The following KIAA1217 variants were observed in gnomAD, a reference collection of about 807,000 sequenced individuals.
The protein encoded by KIAA1217 is sickle tail protein homolog.
A neutral mutation model predicts 163.9 loss-of-function variants in KIAA1217; 88 were observed. That is an observed-to-expected ratio of 0.54 (90% CI 0.45 to 0.64). The LOEUF (loss-of-function observed/expected upper bound fraction) is 0.64, where lower values mean the gene tolerates loss of function less well. Ranked by LOEUF, KIAA1217 falls within the 30% of genes least tolerant of loss-of-function variation. The pLI is 0.00. For missense variants in KIAA1217, 2,372 were observed against 2,475.0 expected, an observed-to-expected ratio of 0.96 and a Z score of 0.88; for synonymous variants, 903 against 923.1, an observed-to-expected ratio of 0.98 and a Z score of 0.39.
At chr10:24,250,293 G>A (rs894609995) in intron 2 of KIAA1217, among the ~76,000 whole-genome samples, 65 of 152,176 alleles carry the variant, frequency 4.3e-4, no homozygotes, top group Middle Eastern at 3.4e-3. Context: ...AGAATACTTG[G>A]TGGTTCATAG....
At chr10:23,727,440 A>G (rs1403308959) in intron 1 of KIAA1217, among the ~76,000 whole-genome samples, 1 of 151,738 alleles carries the variant, frequency 6.6e-6, no homozygotes, top group Non-Finnish European at 1.5e-5. Flanking sequence ...CACACCTATA[A>G]TCCCAGCTAC....
chr10:24,400,700 A>T (rs1564615875), intron 3 of KIAA1217, among the ~76,000 whole-genome samples: 1 of 152,138 alleles, frequency 6.6e-6, no homozygotes, highest in Non-Finnish European at 1.5e-5. Context: ...CAGAGTATTC[A>T]GCTGAAGAGA....
chr10:24,471,264 C>T (rs1034724882), intron 5 of KIAA1217, among the ~76,000 whole-genome samples: 1 of 152,096 alleles, frequency 6.6e-6, no homozygotes, highest in Non-Finnish European at 1.5e-5. Flanking sequence ...CCCTCATCCA[C>T]CCTCCAACCA....
upstream of KIAA1217, among the ~76,000 whole-genome samples, chr10:24,204,730 A>G (rs868668668): frequency 1.3e-4 from 20 of 152,316 alleles, no homozygotes; most frequent in Middle Eastern, 3.4e-3. Flanking sequence ...CACCCTAACC[A>G]CCTGACACAT....
In KIAA1217 at chr10:24,473,454, G is replaced by C. The variant is rs1357921393; in HGVS notation, c.1073G>C (p.Arg358Thr). 1.2e-6 allele frequency: 2 copies of C among 1,614,012 alleles called. No homozygotes were observed. The highest frequency in any genetic ancestry group is 1.7e-6 in the Non-Finnish European group (2 of 1,180,038). Residue 358 changes from arginine (R) to threonine (T), a missense_variant, in exon 6 of 21, where the codon AGA (arginine) becomes ACA (threonine). Coordinates refer to ENST00000376454, the MANE Select transcript of KIAA1217 (RefSeq NM_019590.5). ...AGAATCTCCAGCCTGCCAGTCTCCA[G>C]ACCCATCTCTCCAAGCCCAAGCGCC... ...RDRISSLPVSRPISPSPSAIL... is the reference protein window; with the variant it reads ...RDRISSLPVSTPISPSPSAIL...
chr10:23,883,269 A>G (rs1159373265), intron 1 of KIAA1217, among the ~76,000 whole-genome samples: 1 of 151,932 alleles, frequency 6.6e-6, no homozygotes, highest in Non-Finnish European at 1.5e-5. Context: ...TGGGAAAATA[A>G]CATAAAGGAA....
Position 24,524,768 on chromosome 10 carries a change from G to A in KIAA1217, c.2898+4G>A. ...GAACAGGGCAGTGTCTATCGAGGTAGAGTCCTATTTCTGTTTCTCATAACC... is the reference window on the plus strand; with the variant it reads ...GAACAGGGCAGTGTCTATCGAGGTAAAGTCCTATTTCTGTTTCTCATAACC... On this transcript the variant is annotated splice_donor_region_variant and intron_variant, in intron 13 of 20. Transcript: ENST00000376454. The A allele has an allele frequency of 6.3e-7, 1 of 1,578,816 alleles. No homozygotes were observed. Among genetic ancestry groups the A allele is most frequent in the Non-Finnish European group, 8.6e-7 (1 of 1,158,140 alleles).
chr10:23,890,890 G>A lies in KIAA1217; in HGVS notation c.-320-116335G>A, dbSNP rs138929659. 2.0e-5 allele frequency among the ~76,000 whole-genome samples: 3 copies of A among 151,746 alleles called. 1 individual carries two copies. The highest frequency in any genetic ancestry group is 4.4e-5 in the Non-Finnish European group (3 of 67,850). ...TATCTGTTTTTTATTTAATTTTGTC[G>A]GTTTTAGCTTATAAATTTTGGAGTT... On this transcript the variant is annotated intron_variant, in intron 1 of 18. Coordinates refer to the KIAA1217 transcript ENST00000376462.
At chr10:23,764,615 T>TA (rs1314722171) in intron 1 of KIAA1217, among the ~76,000 whole-genome samples, 1 of 151,980 alleles carries the variant, frequency 6.6e-6, no homozygotes, top group Non-Finnish European at 1.5e-5. Flanking sequence ...TATGCAGCCA[T>TA]AAAAAAGAAT....
chr10:24,381,240 T>C (rs1446899031), intron 3 of KIAA1217, among the ~76,000 whole-genome samples, 173 bp downstream of exon 3: 2 of 152,232 alleles, frequency 1.3e-5, no homozygotes, highest in African/African-American at 4.8e-5. Flanking sequence ...GCCTGCTGGG[T>C]AATCAGGTCA....
At chr10:24,215,692 T>C (rs1378356059) in intron 1 of KIAA1217, among the ~76,000 whole-genome samples, 1 of 152,190 alleles carries the variant, frequency 6.6e-6, no homozygotes, top group Non-Finnish European at 1.5e-5. Context: ...CTCCCCCAGG[T>C]GTGGGGCTTG....
intron 2 of KIAA1217, among the ~76,000 whole-genome samples, chr10:24,135,317 G>C (rs1487678858): frequency 6.6e-6 from 1 of 152,092 alleles, no homozygotes; most frequent in Non-Finnish European, 1.5e-5. Context: ...AGAATGAGTG[G>C]AAGTTGGGGG....
At chr10:23,933,404 G>A (rs554901337) in intron 1 of KIAA1217, among the ~76,000 whole-genome samples, 1 of 152,316 alleles carries the variant, frequency 6.6e-6, no homozygotes, top group African/African-American at 2.4e-5. Context: ...TGCTCCTAGA[G>A]CAGGGCTCCT....
intron 2 of KIAA1217, among the ~76,000 whole-genome samples, chr10:24,324,971 A>T (rs554245229): frequency 2.0e-5 from 3 of 152,266 alleles, no homozygotes; most frequent in African/African-American, 7.2e-5. Flanking sequence ...ACTGGCAGTG[A>T]AGAGCTTGAG....
rs1199376916 is a variant in KIAA1217 at position 24,520,265 on chromosome 10, G to A, written c.2308+12G>A. 2.5e-6 allele frequency: 4 copies of A among 1,613,804 alleles called. No individual in the cohort carries two copies. The African/African-American group carries it at 5.3e-5, about 22-fold the overall frequency. The stretch of plus-strand genomic sequence containing the variant: ...AGCTACCCTGAAAGGTAAACTTTCT[G>A]CTGGGTCGGGGGAGGAGTCTGAGCT... On this transcript the variant is annotated intron_variant, in intron 11 of 20. Transcript: ENST00000376454.
chr10:24,028,505 G>A (rs1848057312), intron 2 of KIAA1217, among the ~76,000 whole-genome samples: 1 of 151,998 alleles, frequency 6.6e-6, no homozygotes, highest in African/African-American at 2.4e-5. Flanking sequence ...ACAATATATT[G>A]ATTAGAGATA....
chr10:23,817,094 T>C (rs1211103432), intron 1 of KIAA1217, among the ~76,000 whole-genome samples: 3 of 152,194 alleles, frequency 2.0e-5, no homozygotes, highest in African/African-American at 7.2e-5. Flanking sequence ...AAAGGCAAAG[T>C]GCTAGTTCTT....
chr10:24,301,882 G>A (rs1461683857), intron 2 of KIAA1217, among the ~76,000 whole-genome samples: 4 of 151,902 alleles, frequency 2.6e-5, no homozygotes, highest in South Asian at 4.2e-4. Flanking sequence ...CTGTATCTAC[G>A]AAAAATACAA....
intron 1 of KIAA1217, among the ~76,000 whole-genome samples, chr10:23,957,756 T>C (rs1443736794): frequency 6.6e-6 from 1 of 152,064 alleles, no homozygotes; most frequent in African/African-American, 2.4e-5. Flanking sequence ...CAACCAACTT[T>C]TCCTTTCTCC....
Sources: allele counts gnomAD v4.1 joint callset (sites outside exome capture counted in the v4.1 genomes callset), GRCh38; gene constraint gnomAD v4.1.1; transcripts MANE v1.5; gene names NCBI Gene and HGNC (gene_info 2026-07-23, HGNC 2026-07-21).